Variants in LPXN observed in about 807,000 individuals in gnomAD.
The protein encoded by LPXN is leupaxin.
LPXN carries 28 observed loss-of-function variants against 45.6 expected under a neutral mutation model. That is an observed-to-expected ratio of 0.61 (90% CI 0.45 to 0.84). The LOEUF (loss-of-function observed/expected upper bound fraction) is 0.84. Ranked by LOEUF, LPXN falls within the 40% of genes least tolerant of loss-of-function variation. LPXN has a pLI of 0.00. For synonymous variants in LPXN, 166 were observed against 169.9 expected, an observed-to-expected ratio of 0.98 and a Z score of 0.18; for missense variants, 459 against 475.0, an observed-to-expected ratio of 0.97 and a Z score of 0.31.
chr11:58,575,954 T>C (rs1399574296), upstream of LPXN: 19 of 1,402,888 alleles, frequency 1.4e-5, no homozygotes, highest in Admixed American at 1.4e-4. Context: ...TTTTTTTTTT[T>C]CATAGGTTAC....
At chr11:58,543,841 G>A (rs564760804) in intron 7 of LPXN, among the ~76,000 whole-genome samples, 2 of 152,246 alleles carry the variant, frequency 1.3e-5, no homozygotes, top group South Asian at 2.1e-4. Context: ...GTTCTGTAAA[G>A]CAGACTATCT....
chr11:58,527,971 C>A, intron 8 of LPXN, 72 bp downstream of exon 8: 1 of 1,524,490 alleles, frequency 6.6e-7, no homozygotes, highest in South Asian at 1.2e-5. Flanking sequence ...CTTTCACTAA[C>A]TGCAGCTCTT....
chr11:58,559,325 C>T (rs775005889), intron 3 of LPXN, among the ~76,000 whole-genome samples: 4 of 152,026 alleles, frequency 2.6e-5, no homozygotes, highest in Non-Finnish European at 4.4e-5. Context: ...CTTGATTGAG[C>T]AATTTTGCTA....
In LPXN at chr11:58,549,995, T is replaced by C. The variant is rs888002563; in HGVS notation, c.638A>G (p.Tyr213Cys). 4 of 1,614,080 alleles carry C rather than the reference T, an allele frequency of 2.5e-6. No homozygotes were observed. Among genetic ancestry groups the C allele is most frequent in the Non-Finnish European group, 3.4e-6 (4 of 1,180,038 alleles). The change falls in exon 6 of 9, where the codon TAC becomes TGC. Residue 213 changes from tyrosine to cysteine, a missense_variant. Physicochemically the swap from Tyr to Cys is radical, Grantham distance 194. Coordinates refer to ENST00000395074, the MANE Select transcript of LPXN (RefSeq NM_004811.3). Reference protein sequence around the residue: ...YHQLFSPRCAYCAAPILDKVL... With the variant: ...YHQLFSPRCACCAAPILDKVL... ...TACATCCAGGATGGGAGCAGCGCAGTAAGCACAGCGTGGAGAAAAAAGTTG... is the reference window on the plus strand; with the variant it reads ...TACATCCAGGATGGGAGCAGCGCAGCAAGCACAGCGTGGAGAAAAAAGTTG...
intron 2 of LPXN, among the ~76,000 whole-genome samples, chr11:58,565,658 T>G (rs1854507108): frequency 1.3e-5 from 2 of 151,950 alleles, no homozygotes; most frequent in South Asian, 4.2e-4. Context: ...AAAGTGATAG[T>G]GATACAAAGT....
intron 7 of LPXN, among the ~76,000 whole-genome samples, chr11:58,543,630 G>C (rs1305294411): frequency 6.6e-6 from 1 of 152,150 alleles, no homozygotes; most frequent in Non-Finnish European, 1.5e-5. Flanking sequence ...TGACTAGTCA[G>C]TAGAGGAGCT....
chr11:58,526,979 A>G lies in LPXN; in HGVS notation c.*475T>C, dbSNP rs578004610. On this transcript the variant is annotated 3_prime_UTR_variant, in exon 9 of 9. Transcript: ENST00000395074. ...CAAAAATACACTGAAGGAAGATGCA[A>G]AGAGCTAAAAGTGGTATCATGATTC... 161 of 155,164 alleles carry G rather than the reference A, an allele frequency of 1.0e-3. No homozygotes were observed. Among genetic ancestry groups the G allele is most frequent in the Middle Eastern group, 3.4e-3 (1 of 294 alleles). 9.6% of individuals were successfully genotyped at this position (155,164 alleles called of 1,614,324 possible). A position where few individuals can be genotyped will look rare whatever the true frequency, so the allele number is the denominator to read the frequency against.
At chr11:58,575,673 G>A (rs1854863487) in intron 1 of LPXN, 87 bp downstream of exon 1, 1 of 1,451,524 alleles carries the variant, frequency 6.9e-7, no homozygotes, top group Non-Finnish European at 9.7e-7. Flanking sequence ...ACTACCCTCA[G>A]TCTAGCCAGA....
At chr11:58,569,976 A>G (rs1854635676) in intron 2 of LPXN, among the ~76,000 whole-genome samples, 1 of 152,024 alleles carries the variant, frequency 6.6e-6, no homozygotes, top group Non-Finnish European at 1.5e-5. Flanking sequence ...AGTGAATGCA[A>G]TACTCTGCCT....
intron 1 of LPXN, among the ~76,000 whole-genome samples, chr11:58,574,547 C>G (rs140534560): frequency 1.6e-3 from 241 of 152,010 alleles, no homozygotes; most frequent in African/African-American, 4.9e-3. Flanking sequence ...GCCATGAAAG[C>G]CTTTCGGTGT....
chr11:58,553,433 T>G (rs528689476), intron 4 of LPXN, among the ~76,000 whole-genome samples: 8 of 151,604 alleles, frequency 5.3e-5, no homozygotes, highest in African/African-American at 1.9e-4. Context: ...CAATTAAATC[T>G]AATGTACATT....
rs753412002 is a variant in LPXN at position 58,554,925 on chromosome 11, T to C, written c.234A>G (p.Pro78=). ...TTTTAGAAGGTGGTGGTGATTCCTT[T>C]GGCTCTTGGGCTTCACTATAGAGGG... ...ELNVYSEAQE[P]KESPPPSKTS... Residue 78 remains proline (P), a synonymous_variant, in exon 4 of 9, where the codon CCA becomes CCG. Coordinates refer to ENST00000395074, the MANE Select transcript of LPXN (RefSeq NM_004811.3). 1 of 1,613,924 alleles carries C rather than the reference T, an allele frequency of 6.2e-7. No individual in the cohort carries two copies. The highest frequency in any genetic ancestry group is 2.2e-5 in the East Asian group (1 of 44,876).
chr11:58,546,532 C>A (rs1362183391), intron 7 of LPXN, among the ~76,000 whole-genome samples: 1 of 152,108 alleles, frequency 6.6e-6, no homozygotes, highest in Non-Finnish European at 1.5e-5. Context: ...TCTCAGAATT[C>A]TGGCAAAGAG....
chr11:58,555,891 T>C (rs1225168032), intron 3 of LPXN, among the ~76,000 whole-genome samples: 4 of 151,850 alleles, frequency 2.6e-5, no homozygotes, highest in Non-Finnish European at 5.9e-5. Flanking sequence ...TAAATAAAAC[T>C]TCCAAGTCAA....
At position 58,527,642 on chromosome 11, in the gene LPXN, G is replaced by A. The variant is rs148660172; in HGVS notation, c.973C>T (p.Arg325Trp). ...PFCELHYHHR[R>W]GTLCHGCGQP... ...CCACACCCATGGCAGAGCGTTCCCC[G>A]GCGGTGATGGTAATGGAGCTCACAG... The change falls in exon 9 of 9, where the codon CGG becomes TGG. Residue 325 changes from arginine (R) to tryptophan (W), a missense_variant. Arg to Trp is a moderately radical substitution (Grantham distance 101). Coordinates refer to ENST00000395074, the MANE Select transcript of LPXN (RefSeq NM_004811.3). The A allele has an allele frequency of 3.4e-5, 55 of 1,614,138 alleles. No homozygotes were observed. In the African/African-American group the frequency reaches 5.2e-4, roughly 15 times the overall value.
At chr11:58,546,101 C>T (rs937051018) in intron 7 of LPXN, among the ~76,000 whole-genome samples, 1 of 152,002 alleles carries the variant, frequency 6.6e-6, no homozygotes, top group Non-Finnish European at 1.5e-5. Flanking sequence ...AAAGGATATG[C>T]CACCAGATGA....
intron 2 of LPXN, among the ~76,000 whole-genome samples, chr11:58,565,400 T>A (rs1301466720): frequency 2.0e-5 from 3 of 151,906 alleles, no homozygotes; most frequent in African/African-American, 7.3e-5. Flanking sequence ...GGGAGTGGTG[T>A]TGCGTGCCTG....
At position 58,564,170 on chromosome 11, in the gene LPXN, T is replaced by A. The variant is rs1854460702; in HGVS notation, c.203A>T (p.Glu68Val). Reference protein sequence around the residue: ...AQLVYTTNIQELNVYSEAQEP... With the variant: ...AQLVYTTNIQVLNVYSEAQEP... ...AAAAAAATACCTGTAGACATTGAGC[T>A]CCTGGATATTGGTAGTATACACGAG... The change falls in exon 3 of 9, where the codon GAG becomes GTG. Residue 68 changes from glutamate (E) to valine (V), a missense_variant. Glu to Val is a moderately radical substitution (Grantham distance 121). Coordinates refer to ENST00000395074, the MANE Select transcript of LPXN (RefSeq NM_004811.3). 1.2e-6 allele frequency: 2 copies of A among 1,600,278 alleles called. No homozygotes were observed. The highest frequency in any genetic ancestry group is 1.7e-6 in the Non-Finnish European group (2 of 1,171,612).
intron 7 of LPXN, among the ~76,000 whole-genome samples, chr11:58,531,072 C>T (rs761495178): frequency 7.2e-5 from 11 of 152,114 alleles, no homozygotes; most frequent in East Asian, 5.8e-4. Context: ...AAAGACCAAA[C>T]GTAGAAACAC....
Sources: gnomAD v4.1 joint callset for allele counts (sites outside exome capture counted in the v4.1 genomes callset) on GRCh38, gnomAD v4.1.1 for gene constraint, MANE v1.5 for transcripts, NCBI Gene and HGNC (gene_info 2026-07-23, HGNC 2026-07-21) for gene names.